The following MAGI2 variants were observed in gnomAD, a reference collection of about 807,000 sequenced individuals.
MAGI2 encodes the protein membrane-associated guanylate kinase, WW and PDZ domain-containing protein 2.
MAGI2 carries 35 observed loss-of-function variants against 133.3 expected under a neutral mutation model. The ratio of observed to expected loss-of-function variants is 0.26; its 90% CI spans 0.20 to 0.35. The LOEUF is 0.35. Among genes scored for constraint, MAGI2 ranks in the 10% least tolerant of loss-of-function variants. MAGI2 has a pLI of 1.00. For missense variants in MAGI2, 1,636 were observed against 1,863.4 expected, an observed-to-expected ratio of 0.88 and a Z score of 2.25; for synonymous variants, 729 against 710.6, an observed-to-expected ratio of 1.03 and a Z score of -0.41.
At chr7:79,358,311 T>A (rs1293395653) in intron 1 of MAGI2, among the ~76,000 whole-genome samples, 2 of 152,172 alleles carry the variant, frequency 1.3e-5, no homozygotes, top group African/African-American at 4.8e-5. Flanking sequence ...TTCTGAATTC[T>A]ATTTTTACCC....
At chr7:79,030,056 T>A (rs1347766112) in intron 1 of MAGI2, among the ~76,000 whole-genome samples, 1 of 152,178 alleles carries the variant, frequency 6.6e-6, no homozygotes, top group Admixed American at 6.5e-5. Context: ...CTGAGGAGTA[T>A]GTCACATCCT....
chr7:79,136,092 A>AGAAAGAAAGAAG, intron 1 of MAGI2, among the ~76,000 whole-genome samples: 2 of 149,924 alleles, frequency 1.3e-5, no homozygotes, highest in African/African-American at 4.9e-5. Context: ...AAAGAAAGAA[A>AGAAAGAAAGAAG]GAAAGAAAGA....
At position 79,366,180 on chromosome 7, in the gene MAGI2, G is replaced by A. The variant is rs114562148; in HGVS notation, c.301+86840C>T. Reference sequence around the variant, plus strand: ...TCGCTTGAGCCCAGGAAGTCGAGGTGGCAGTGAGCCATTGCACTCCAGCCC... The same window carrying A: ...TCGCTTGAGCCCAGGAAGTCGAGGTAGCAGTGAGCCATTGCACTCCAGCCC... On this transcript the variant is annotated intron_variant, in intron 1 of 21. Transcript: ENST00000354212. 8.8e-3 allele frequency among the ~76,000 whole-genome samples: 1,341 copies of A among 151,800 alleles called. 14 individuals carry two copies. Among genetic ancestry groups the A allele is most frequent in the African/African-American group, 0.03 (1,244 of 41,384 alleles).
chr7:79,149,512 A>G (rs1194432523), intron 1 of MAGI2, among the ~76,000 whole-genome samples: 2 of 152,182 alleles, frequency 1.3e-5, no homozygotes, highest in African/African-American at 4.8e-5. Context: ...AAACCTGAGA[A>G]GGTTTCACCG....
intron 1 of MAGI2, among the ~76,000 whole-genome samples, chr7:79,077,456 T>C (rs1276511348): frequency 6.6e-6 from 1 of 150,478 alleles, no homozygotes; most frequent in Non-Finnish European, 1.5e-5. Context: ...AGCTAAGTAG[T>C]CCCAGCTACT....
At chr7:78,591,448 G>T (rs918432825) in intron 3 of MAGI2, among the ~76,000 whole-genome samples, 2 of 152,236 alleles carry the variant, frequency 1.3e-5, no homozygotes, top group African/African-American at 4.8e-5. Context: ...CCAAGCTGGA[G>T]GTGCGGGGAG....
At chr7:78,404,315 C>G (rs1797175991) in intron 6 of MAGI2, among the ~76,000 whole-genome samples, 1 of 152,176 alleles carries the variant, frequency 6.6e-6, no homozygotes, top group South Asian at 2.1e-4. Context: ...TTGGAAAAAA[C>G]TACTTTAGAG....
intron 2 of MAGI2, among the ~76,000 whole-genome samples, chr7:78,737,988 T>C (rs1055114984): frequency 2.0e-5 from 3 of 152,090 alleles, no homozygotes; most frequent in Admixed American, 2.0e-4. Context: ...TTAACTGCAA[T>C]ACATTTCATT....
intron 1 of MAGI2, among the ~76,000 whole-genome samples, chr7:79,164,703 C>G (rs144515521): frequency 1.5e-3 from 234 of 152,174 alleles, no homozygotes; most frequent in African/African-American, 5.4e-3. Context: ...AAAGTTCCCC[C>G]ACCTTGACAC....
At chr7:78,762,144 G>GAACTAGTAGAGATTTTTGGATTAA (rs1554559223) in intron 2 of MAGI2, among the ~76,000 whole-genome samples, 1 of 151,134 alleles carries the variant, frequency 6.6e-6, no homozygotes, top group African/African-American at 2.4e-5. Flanking sequence ...AGACTGCCAA[G>GAACTAGTAGAGATTTTTGGATTAA]AACAAGTAGA....
intron 21 of MAGI2, among the ~76,000 whole-genome samples, chr7:78,044,551 C>G (rs367908962): frequency 1.3e-5 from 2 of 152,024 alleles, no homozygotes; most frequent in African/African-American, 4.8e-5. Context: ...CTGGTTAGTA[C>G]GACAGTACAC....
intron 2 of MAGI2, among the ~76,000 whole-genome samples, chr7:78,630,524 C>A (rs1808863934): frequency 6.9e-6 from 1 of 144,684 alleles, no homozygotes; most frequent in Non-Finnish European, 1.5e-5. Context: ...TCAAGTGATT[C>A]TCCTGCCTCA....
intron 1 of MAGI2, among the ~76,000 whole-genome samples, chr7:79,132,629 A>G (rs1821035825): frequency 6.6e-6 from 1 of 152,066 alleles, no homozygotes; most frequent in South Asian, 2.1e-4. Context: ...TTTTTGTATA[A>G]TAACTTCTTT....
At chr7:78,578,602 A>G (rs956427931) in intron 3 of MAGI2, among the ~76,000 whole-genome samples, 3 of 152,192 alleles carry the variant, frequency 2.0e-5, no homozygotes, top group African/African-American at 7.2e-5. Context: ...TATGGAGGAT[A>G]TATACAGAGA....
At chr7:79,323,691 C>A (rs75231155) in intron 1 of MAGI2, among the ~76,000 whole-genome samples, 2,063 of 152,096 alleles carry the variant, frequency 0.014, 48 homozygotes, top group African/African-American at 0.047. Context: ...CTCACGTAAG[C>A]TAGGGTAGGA....
intron 1 of MAGI2, among the ~76,000 whole-genome samples, chr7:79,250,018 T>C (rs1193464931): frequency 6.6e-6 from 1 of 152,102 alleles, no homozygotes; most frequent in African/African-American, 2.4e-5. Context: ...ATCAATGTGA[T>C]ACACTGAAGG....
At chr7:78,230,804 G>A (rs1202839765) in intron 10 of MAGI2, among the ~76,000 whole-genome samples, 1 of 152,164 alleles carries the variant, frequency 6.6e-6, no homozygotes, top group African/African-American at 2.4e-5. Flanking sequence ...CATGTGACTG[G>A]CTGTCTCAGA....
intron 14 of MAGI2, among the ~76,000 whole-genome samples, chr7:78,176,433 T>C (rs1826614972): frequency 6.6e-6 from 1 of 152,102 alleles, no homozygotes. Context: ...TAAGCTCAGC[T>C]TCCTGGGGTT....
chr7:78,407,636 C>A (rs973649651), intron 6 of MAGI2, among the ~76,000 whole-genome samples: 6 of 141,972 alleles, frequency 4.2e-5, no homozygotes, highest in Non-Finnish European at 7.6e-5. Context: ...ATCTATCAAG[C>A]TGCTGCAGCT....
Sources: gnomAD v4.1 joint callset for allele counts (sites outside exome capture counted in the v4.1 genomes callset) on GRCh38, gnomAD v4.1.1 for gene constraint, MANE v1.5 for transcripts, NCBI Gene and HGNC (gene_info 2026-07-23, HGNC 2026-07-21) for gene names.